Variants in CLSPN observed in about 807,000 individuals in gnomAD.
The protein encoded by CLSPN is claspin, also known as claspin homolog.
Under a neutral mutation model 156.3 loss-of-function variants are expected in CLSPN, and 85 were observed. The observed-to-expected ratio is 0.54, with a 90% CI of 0.46 to 0.65. The LOEUF (loss-of-function observed/expected upper bound fraction) is 0.65. CLSPN is among the 30% of genes least tolerant of loss of function. CLSPN has a pLI of 0.00. For missense variants in CLSPN, 1,407 were observed against 1,554.9 expected (o/e 0.90, Z 1.60); for synonymous variants, 534 against 542.4 (o/e 0.98, Z 0.22).
chr1:35,734,010 A>C lies in CLSPN; in HGVS notation c.*2486T>G. The C allele has an allele frequency of 1.0e-6, 1 of 985,414 alleles. No individual in the cohort carries two copies. The highest frequency in any genetic ancestry group is 1.2e-6 in the Non-Finnish European group (1 of 829,884). The allele number at this position is 985,414 out of a possible 1,614,324, so 61.0% of individuals were successfully genotyped here. On this transcript the variant is annotated 3_prime_UTR_variant, in exon 25 of 25. Transcript: ENST00000318121. ...TAAGTTTTTTAAACAAAGAGCTATAATAGAAGGTACCATTTATGTAAACTC... is the reference window on the plus strand; with the variant it reads ...TAAGTTTTTTAAACAAAGAGCTATACTAGAAGGTACCATTTATGTAAACTC...
chr1:35,753,915 C>A lies in CLSPN; in HGVS notation c.1601G>T (p.Arg534Leu), dbSNP rs746502078. The change falls in exon 9 of 25, where the codon CGT (arginine) becomes CTT (leucine). Residue 534 changes from arginine to leucine, a missense_variant. By Grantham distance (102) the Arg-to-Leu change is moderately radical. Around this residue, in one of 3 missense-constraint regions of CLSPN, gnomAD observed 1,096 missense variants for 1,193.0 expected, o/e 0.92. Transcript: ENST00000318121. ...TGCTGGATTAGCATGCTTCCAGAAACGCTGCTTCAAGGCTTCCAGTTCTAA... is the reference window on the plus strand; with the variant it reads ...TGCTGGATTAGCATGCTTCCAGAAAAGCTGCTTCAAGGCTTCCAGTTCTAA... ...TNRELEALKQ[R>L]FWKHANPAAK... The A allele has an allele frequency of 6.2e-7, 1 of 1,614,196 alleles. No homozygotes were observed. The highest frequency in any genetic ancestry group is 8.5e-7 in the Non-Finnish European group (1 of 1,180,038).
At chr1:35,765,371 A>G (rs1483825020) in intron 1 of CLSPN, 45 bp from the exon 2 acceptor site, 1 of 1,315,286 alleles carries the variant, frequency 7.6e-7, no homozygotes, top group African/African-American at 1.4e-5. Context: ...AGGTGACCGA[A>G]AGCTCCAAGT....
intron 1 of CLSPN, among the ~76,000 whole-genome samples, chr1:35,768,887 G>T (rs1021029310): frequency 1.3e-5 from 2 of 152,052 alleles, no homozygotes; most frequent in Non-Finnish European, 1.5e-5. Context: ...GTGGGGTGAG[G>T]TCTCAAAAAA....
intron 2 of CLSPN, 144 bp downstream of exon 2, chr1:35,765,074 G>T: frequency 4.9e-6 from 3 of 611,212 alleles, no homozygotes; most frequent in Non-Finnish European, 8.5e-6. Context: ...TACAAGCACT[G>T]TTATTTTGCT....
chr1:35,746,974 G>T lies in CLSPN; in HGVS notation c.2646C>A (p.Asn882Lys). The T allele has an allele frequency of 6.2e-7, 1 of 1,613,866 alleles. No homozygotes were observed. Among genetic ancestry groups the T allele is most frequent in the Non-Finnish European group, 8.5e-7 (1 of 1,179,808 alleles). The change falls in exon 15 of 25, where the codon AAC (asparagine) becomes AAA (lysine). Residue 882 changes from asparagine (N) to lysine (K), a missense_variant. By Grantham distance (94) the Asn-to-Lys change is moderately conservative. Transcript: ENST00000318121. The surrounding 1 kb of genome is among the most constrained non-coding windows in gnomAD (Gnocchi z 4.2). ...LDADGFLNVR[N>K]HRNQYQALKP... Reference sequence around the variant, plus strand: ...TCAAAGCTTGGTACTGATTCCTGTGGTTTCTAACATTTAAGAACCTAAGAA... The same window carrying T: ...TCAAAGCTTGGTACTGATTCCTGTGTTTTCTAACATTTAAGAACCTAAGAA...
intron 24 of CLSPN, among the ~76,000 whole-genome samples, chr1:35,721,318 G>A (rs775634255): frequency 2.6e-5 from 4 of 152,116 alleles, no homozygotes; most frequent in Non-Finnish European, 5.9e-5. Flanking sequence ...ACCAGGAGCC[G>A]AAATCCCAGG....
chr1:35,740,223 C>T (rs1340793389), intron 18 of CLSPN, among the ~76,000 whole-genome samples: 4 of 152,142 alleles, frequency 2.6e-5, no homozygotes, highest in Non-Finnish European at 5.9e-5. Context: ...TTGACCCCCA[C>T]ATCAGAAGGA....
At position 35,765,346 on chromosome 1, in the gene CLSPN, T is replaced by C. The variant is rs768391536; in HGVS notation, c.25-20A>G. Reference sequence around the variant, plus strand: ...GTGAACCTAGAAAATGACAATATACTTTATATCAACCAGCAGGTGACCGAA... The same window carrying C: ...GTGAACCTAGAAAATGACAATATACCTTATATCAACCAGCAGGTGACCGAA... On this transcript the variant is annotated intron_variant, in intron 1 of 24. Coordinates refer to ENST00000318121, the MANE Select transcript of CLSPN (RefSeq NM_022111.4). 11 of 1,547,800 alleles carry C rather than the reference T, an allele frequency of 7.1e-6. No homozygotes were observed. Among genetic ancestry groups the C allele is most frequent in the Admixed American group, 1.7e-5 (1 of 59,650 alleles).
intron 7 of CLSPN, 83 bp downstream of exon 7, chr1:35,761,013 G>T: frequency 7.1e-7 from 1 of 1,407,750 alleles, no homozygotes; most frequent in South Asian, 1.2e-5. Flanking sequence ...TTAAGGGAGT[G>T]AGAAATCTGA....
At chr1:35,765,407 G>A in intron 1 of CLSPN, 81 bp from the exon 2 acceptor site, 1 of 911,302 alleles carries the variant, frequency 1.1e-6, no homozygotes, top group Non-Finnish European at 1.8e-6. Context: ...AATCATCGTG[G>A]GATCATCAAC....
intron 24 of CLSPN, among the ~76,000 whole-genome samples, chr1:35,722,655 G>A (rs1396699936): frequency 6.6e-6 from 1 of 151,266 alleles, no homozygotes; most frequent in African/African-American, 2.4e-5. Flanking sequence ...TCCCTGAGAC[G>A]GAGTCTTACT....
chr1:35,745,375 G>T, intron 16 of CLSPN, 76 bp downstream of exon 16: 1 of 985,206 alleles, frequency 1.0e-6, no homozygotes, highest in Non-Finnish European at 1.6e-6. Context: ...AAGGTGCAAA[G>T]CCCTTAAGAT....
Position 35,763,263 on chromosome 1 carries a change from A to G in CLSPN, c.641T>C (p.Leu214Pro). 6.2e-7 allele frequency: 1 copy of G among 1,609,120 alleles called. No individual in the cohort carries two copies. The highest frequency in any genetic ancestry group is 8.5e-7 in the Non-Finnish European group (1 of 1,178,670). The change falls in exon 4 of 25, where the codon CTT becomes CCT. Residue 214 changes from leucine to proline, a missense_variant. Transcript: ENST00000318121. ...TTCATCCTCCAACCCAGTTTCAAAA[A>G]GGTCTTTATCCACAAGAAGACAGCC... ...DSGCLLVDKDLFETGLEDENN... is the reference protein window; with the variant it reads ...DSGCLLVDKDPFETGLEDENN...
rs1641544034 is a variant in CLSPN, at chr1:35,738,114, ATATATATATATAT to A, written c.3559-30_3559-18del. 6 of 419,732 alleles carry A rather than the reference ATATATATATATAT, an allele frequency of 1.4e-5. No homozygotes were observed. Among genetic ancestry groups the A allele is most frequent in the Non-Finnish European group, 2.0e-5 (6 of 306,190 alleles). The allele number at this position is 419,732 out of a possible 1,614,324, so 26.0% of individuals were successfully genotyped here. A position where few individuals can be genotyped will look rare whatever the true frequency, so the allele number is the denominator to read the frequency against. On this transcript the variant is annotated intron_variant, in intron 21 of 24. Coordinates refer to ENST00000318121, the MANE Select transcript of CLSPN (RefSeq NM_022111.4). ...CTGCTGTGCCTGAAAAAAAAAAAAA[ATATATATATATAT>A]ATATATATATATACAGCATTAAAAG...
intron 21 of CLSPN, 77 bp downstream of exon 21, chr1:35,738,378 A>C: frequency 6.9e-7 from 1 of 1,455,110 alleles, no homozygotes; most frequent in East Asian, 2.3e-5. Context: ...CTATCATGAC[A>C]AGCTAAGATT....
chr1:35,755,535 A>G (rs1642244842), intron 8 of CLSPN, among the ~76,000 whole-genome samples: 1 of 151,974 alleles, frequency 6.6e-6, no homozygotes, highest in South Asian at 2.1e-4. Flanking sequence ...GGCCTCCCAA[A>G]GTGCTGAGAT....
intron 2 of CLSPN, 143 bp from the exon 3 acceptor site, chr1:35,764,857 G>C: frequency 1.8e-6 from 1 of 549,828 alleles, no homozygotes; most frequent in South Asian, 3.5e-5. Flanking sequence ...TTGTAGCAAA[G>C]CAAATCTAAA....
intron 1 of CLSPN, among the ~76,000 whole-genome samples, chr1:35,766,685 C>T (rs899350802): frequency 6.6e-6 from 1 of 152,068 alleles, no homozygotes; most frequent in African/African-American, 2.4e-5. Flanking sequence ...CTCAGGTGAT[C>T]CGCCCGCCTC....
chr1:35,748,317 G>A, intron 13 of CLSPN, 88 bp downstream of exon 13: 1 of 1,238,148 alleles, frequency 8.1e-7, no homozygotes, highest in Non-Finnish European at 1.2e-6. Flanking sequence ...GTACCAACGT[G>A]GTGGGAGTTG....
Sources: gnomAD v4.1 joint callset for allele counts (sites outside exome capture counted in the v4.1 genomes callset) on GRCh38, gnomAD v4.1.1 for gene constraint, gnomAD v4.1.1 regional missense constraint, Gnocchi (gnomAD v3.1) non-coding constraint, MANE v1.5 for transcripts, NCBI Gene and HGNC (gene_info 2026-07-23, HGNC 2026-07-21) for gene names.